The following PLIN5 variants were observed in gnomAD, a reference collection of about 807,000 sequenced individuals.
PLIN5 encodes perilipin-5.
A neutral mutation model predicts 32.8 loss-of-function variants in PLIN5; 34 were observed. The observed-to-expected ratio is 1.04, with a 90% CI of 0.79 to 1.38. The LOEUF (loss-of-function observed/expected upper bound fraction) is 1.38, where lower values mean the gene tolerates loss of function less well. Ranked by LOEUF, PLIN5 falls within the 40% of genes most tolerant of loss-of-function variation. The pLI is 0.00. For synonymous variants in PLIN5, 309 were observed against 292.9 expected, an observed-to-expected ratio of 1.05 and a Z score of -0.56; for missense variants, 712 against 660.5, an observed-to-expected ratio of 1.08 and a Z score of -0.85.
Position 4,529,084 on chromosome 19 carries a change from T to C in PLIN5, c.509A>G (p.Glu170Gly), listed in dbSNP as rs1976844219. The C allele has an allele frequency of 1.9e-6, 3 of 1,612,912 alleles. No homozygotes were observed. Reference protein sequence around the residue: ...ELVDHFLPMTEEELAALAAEA... With the variant: ...ELVDHFLPMTGEELAALAAEA... ...GGTGTCGTCCTCACCGAGCTCTTCCTCCGTCATGGGCAGGAAGTGATCCAC... is the reference window on the plus strand; with the variant it reads ...GGTGTCGTCCTCACCGAGCTCTTCCCCCGTCATGGGCAGGAAGTGATCCAC... The change falls in exon 5 of 8, where the codon GAG becomes GGG. Residue 170 changes from glutamate to glycine, a missense_variant. Transcript: ENST00000381848.
In PLIN5 at chr19:4,523,182, C is replaced by A; in HGVS notation, c.*346G>T. Reference sequence around the variant, plus strand: ...TCAGATGATCCACCTGCCTCAGACTCCCAAAGTGCTGGGATTACAGGCGTG... The same window carrying A: ...TCAGATGATCCACCTGCCTCAGACTACCAAAGTGCTGGGATTACAGGCGTG... On this transcript the variant is annotated 3_prime_UTR_variant, in exon 8 of 8. Coordinates refer to ENST00000381848, the MANE Select transcript of PLIN5 (RefSeq NM_001013706.3). This position sits in a 1 kb window ranked among gnomAD's most constrained non-coding sequence, Gnocchi z 5.0. 1 of 208,072 alleles carries A rather than the reference C, an allele frequency of 4.8e-6. No individual in the cohort carries two copies. The highest frequency in any genetic ancestry group is 9.5e-6 in the Non-Finnish European group (1 of 105,034). 12.9% of individuals were successfully genotyped at this position (208,072 alleles called of 1,614,324 possible). A position where few individuals can be genotyped will look rare whatever the true frequency, so the allele number is the denominator to read the frequency against.
Position 4,525,483 on chromosome 19 carries a change from G to A in PLIN5, c.720+150C>T. 1.0e-6 allele frequency: 1 copy of A among 962,966 alleles called. No individual in the cohort carries two copies. The highest frequency in any genetic ancestry group is 1.5e-6 in the Non-Finnish European group (1 of 663,574). The allele number at this position is 962,966 out of a possible 1,614,324, so 59.7% of individuals were successfully genotyped here. On this transcript the variant is annotated intron_variant, in intron 6 of 7. Coordinates refer to ENST00000381848, the MANE Select transcript of PLIN5 (RefSeq NM_001013706.3). The surrounding 1 kb of genome is among the most constrained non-coding windows in gnomAD (Gnocchi z 5.6). ...CATCCCTGGGCTCCTCCAGGCCCGG[G>A]TCCCCCAGCCCTGAACACATGCAGC...
Position 4,525,931 on chromosome 19 carries a change from CGGGG to C in PLIN5, c.521-103_521-100del, listed in dbSNP as rs1976797656. On this transcript the variant is annotated intron_variant, in intron 5 of 7. Transcript: ENST00000381848. This position sits in a 1 kb window ranked among gnomAD's most constrained non-coding sequence, Gnocchi z 5.6. ...ACGGGGACAGGATACGGGGACAGCA[CGGGG>C]ACAGGATACGGGGACAGCACGGGGA... is the stretch of plus-strand genomic sequence containing the variant. 3 of 579,446 alleles carry C rather than the reference CGGGG, an allele frequency of 5.2e-6. No individual in the cohort carries two copies. The highest frequency in any genetic ancestry group is 6.6e-5 in the African/African-American group (2 of 30,120). 35.9% of individuals were successfully genotyped at this position (579,446 alleles called of 1,614,324 possible).
chr19:4,531,836 C>T lies in PLIN5; in HGVS notation c.61-14G>A, dbSNP rs1369575317. 3.3e-6 allele frequency: 5 copies of T among 1,525,346 alleles called. No homozygotes were observed. Among genetic ancestry groups the T allele is most frequent in the African/African-American group, 1.4e-5 (1 of 72,974 alleles). The allele number at this position is 1,525,346 out of a possible 1,614,324, so 94.5% of individuals were successfully genotyped here. On this transcript the variant is annotated splice_polypyrimidine_tract_variant and intron_variant, in intron 2 of 7. Coordinates refer to ENST00000381848, the MANE Select transcript of PLIN5 (RefSeq NM_001013706.3). ...CTGCACCACGTTCTGCGGGAAGGGT[C>T]GGCATCAGGGGGACCCTGGGGGAAG... is the stretch of plus-strand genomic sequence containing the variant.
chr19:4,527,538 C>CAA (rs1176219746), intron 5 of PLIN5, among the ~76,000 whole-genome samples: 1,813 of 29,672 alleles, frequency 0.061, 352 homozygotes, highest in Non-Finnish European at 0.089. Flanking sequence ...GACTCCACTT[C>CAA]AAAAAAAAAA....
rs974465145 is a variant in PLIN5, at chr19:4,525,860, G to A, written c.521-28C>T. On this transcript the variant is annotated intron_variant, in intron 5 of 7. Coordinates refer to ENST00000381848, the MANE Select transcript of PLIN5 (RefSeq NM_001013706.3). The surrounding 1 kb of genome is among the most constrained non-coding windows in gnomAD (Gnocchi z 5.6). ...GGAGGACAGGATACGGGGACAGCAC[G>A]GGGACAGGATACGGGGACAGCACGG... is the stretch of plus-strand genomic sequence containing the variant. 7 of 1,517,640 alleles carry A rather than the reference G, an allele frequency of 4.6e-6. No individual in the cohort carries two copies. The East Asian group carries it at 7.3e-5, about 16-fold the overall frequency. 94.0% of individuals were successfully genotyped at this position (1,517,640 alleles called of 1,614,324 possible). A position where few individuals can be genotyped will look rare whatever the true frequency, so the allele number is the denominator to read the frequency against.
At position 4,523,607 on chromosome 19, in the gene PLIN5, G is replaced by A. The variant is rs1976758570; in HGVS notation, c.1313C>T (p.Ala438Val). The change falls in exon 8 of 8, where the codon GCC becomes GTC. Residue 438 changes from alanine (A) to valine (V), a missense_variant. Coordinates refer to ENST00000381848, the MANE Select transcript of PLIN5 (RefSeq NM_001013706.3). This position sits in a 1 kb window ranked among gnomAD's most constrained non-coding sequence, Gnocchi z 5.0. ...GGGTTCCTGCTCGCAGATGTCCCCG[G>A]CAACACCCATCCTGTCCCCATCCCC... ...GNGDGDRMGV[A>V]GDICEQEPET... 3 of 1,608,644 alleles carry A rather than the reference G, an allele frequency of 1.9e-6. No homozygotes were observed. Among genetic ancestry groups the A allele is most frequent in the Non-Finnish European group, 2.5e-6 (3 of 1,178,176 alleles).
rs761157910 is a variant in PLIN5 at position 4,523,929 on chromosome 19, C to T, written c.991G>A (p.Ala331Thr). Residue 331 changes from alanine (A) to threonine (T), a missense_variant, in exon 8 of 8, where the codon GCT becomes ACT. Physicochemically the swap from Ala to Thr is moderately conservative, Grantham distance 58. Transcript: ENST00000381848. This position sits in a 1 kb window ranked among gnomAD's most constrained non-coding sequence, Gnocchi z 5.0. The part of the protein sequence containing the change: ...RSVDALQTAF[A>T]DARCFRDVPA... ...ACGTCCCTGAAGCAGCGGGCATCAG[C>T]GAAGGCGGTCTGCAGGGCATCCACA... The T allele has an allele frequency of 3.3e-6, 5 of 1,528,816 alleles. No individual in the cohort carries two copies. The highest frequency in any genetic ancestry group is 1.2e-5 in the South Asian group (1 of 82,908). The allele number at this position is 1,528,816 out of a possible 1,614,324, so 94.7% of individuals were successfully genotyped here. A position where few individuals can be genotyped will look rare whatever the true frequency, so the allele number is the denominator to read the frequency against.
chr19:4,531,528 C>T, intron 3 of PLIN5, 99 bp downstream of exon 3: 1 of 1,250,516 alleles, frequency 8.0e-7, no homozygotes, highest in Non-Finnish European at 1.1e-6. Flanking sequence ...TGAAGATGAC[C>T]CCCAGGAGTG....
chr19:4,529,002 C>G, intron 5 of PLIN5, 71 bp downstream of exon 5: 1 of 1,513,364 alleles, frequency 6.6e-7, no homozygotes, highest in Non-Finnish European at 8.9e-7. Context: ...TCTCAGACCT[C>G]TCTGATCTGT....
chr19:4,523,068 C>T lies in PLIN5; in HGVS notation c.*460G>A, dbSNP rs564196900. ...TAGCTGGGACTACAGGTGCACACCA[C>T]CACACCTGGCTTTTTTTTTTTTTTT... On this transcript the variant is annotated 3_prime_UTR_variant, in exon 8 of 8. Coordinates refer to ENST00000381848, the MANE Select transcript of PLIN5 (RefSeq NM_001013706.3). The surrounding 1 kb of genome is among the most constrained non-coding windows in gnomAD (Gnocchi z 5.0). 6 of 149,520 alleles carry T rather than the reference C, an allele frequency of 4.0e-5. No individual in the cohort carries two copies. The highest frequency in any genetic ancestry group is 1.5e-4 in the African/African-American group (6 of 40,420). The allele number at this position is 149,520 out of a possible 1,614,324, so 9.3% of individuals were successfully genotyped here.
rs1042804430 is a variant in PLIN5 at position 4,525,132 on chromosome 19, T to C, written c.721-56A>G. 6.1e-5 allele frequency: 21 copies of C among 341,930 alleles called. No individual in the cohort carries two copies. The highest frequency in any genetic ancestry group is 1.0e-4 in the Non-Finnish European group (19 of 182,394). 21.2% of individuals were successfully genotyped at this position (341,930 alleles called of 1,614,324 possible). On this transcript the variant is annotated intron_variant, in intron 6 of 7. Coordinates refer to ENST00000381848, the MANE Select transcript of PLIN5 (RefSeq NM_001013706.3). The surrounding 1 kb of genome is among the most constrained non-coding windows in gnomAD (Gnocchi z 5.6). ...CTGGGGGAGCTGGGGGAGCTGGGGG[T>C]CGGGGTGGGGTCCAGGACCACTGAT...
Position 4,525,101 on chromosome 19 carries a change from T to G in PLIN5, c.721-25A>C. 1.0e-6 allele frequency: 1 copy of G among 981,080 alleles called. No homozygotes were observed. Among genetic ancestry groups the G allele is most frequent in the Non-Finnish European group, 1.4e-6 (1 of 732,136 alleles). 60.8% of individuals were successfully genotyped at this position (981,080 alleles called of 1,614,324 possible). The stretch of plus-strand genomic sequence containing the variant: ...TCTGCAAGGACAGAAATGGTGGTCT[T>G]CAGAGCTGGGGGAGCTGGGGGAGCT... On this transcript the variant is annotated intron_variant, in intron 6 of 7. Coordinates refer to ENST00000381848, the MANE Select transcript of PLIN5 (RefSeq NM_001013706.3). This position sits in a 1 kb window ranked among gnomAD's most constrained non-coding sequence, Gnocchi z 5.6.
Position 4,534,915 on chromosome 19 carries a change from G to A in PLIN5, c.-22+250C>T, listed in dbSNP as rs776003673. On this transcript the variant is annotated intron_variant, in intron 1 of 7. Transcript: ENST00000381848. Reference sequence around the variant, plus strand: ...GTCACGCAGCCAGCTAGAGTTACAGGGGGGGAGCTCGACCTCGGGCCTCAG... The same window carrying A: ...GTCACGCAGCCAGCTAGAGTTACAGAGGGGGAGCTCGACCTCGGGCCTCAG... Among the ~76,000 whole-genome samples, 18 of 152,190 alleles carry A rather than the reference G, an allele frequency of 1.2e-4. 1 individual carries two copies. The highest frequency in any genetic ancestry group is 4.3e-4 in the African/African-American group (18 of 41,452).
rs771964141 is a variant in PLIN5 at position 4,523,205 on chromosome 19, G to A, written c.*323C>T. 8.3e-5 allele frequency: 21 copies of A among 252,576 alleles called. No homozygotes were observed. Among genetic ancestry groups the A allele is most frequent in the Admixed American group, 1.7e-4 (3 of 17,974 alleles). 15.6% of individuals were successfully genotyped at this position (252,576 alleles called of 1,614,324 possible). ...CTCCCAAAGTGCTGGGATTACAGGC[G>A]TGAGCCACTGTGCCCAGCCTCTTGG... On this transcript the variant is annotated 3_prime_UTR_variant, in exon 8 of 8. Coordinates refer to ENST00000381848, the MANE Select transcript of PLIN5 (RefSeq NM_001013706.3). The surrounding 1 kb of genome is among the most constrained non-coding windows in gnomAD (Gnocchi z 5.0).
chr19:4,530,994 T>G (rs1976877011), intron 3 of PLIN5, among the ~76,000 whole-genome samples: 1 of 149,790 alleles, frequency 6.7e-6, no homozygotes. Context: ...CAGTTTTTTT[T>G]GTTTGTTTTT....
chr19:4,523,672 C>T lies in PLIN5; in HGVS notation c.1248G>A (p.Gln416=). 6.2e-7 allele frequency: 1 copy of T among 1,609,000 alleles called. No homozygotes were observed. Among genetic ancestry groups the T allele is most frequent in the Non-Finnish European group, 8.5e-7 (1 of 1,179,798 alleles). ...CCCTGTGCTCTGCCTCCCAGGCTCT[C>T]TGCTGGGCCGGCCAGTCCAGGTGCG... ...RWAHLDWPAQ[Q]RAWEAEHRDG... is the part of the protein sequence containing the mutation. The change falls in exon 8 of 8, where the codon CAG becomes CAA. Residue 416 remains glutamine (Q), a synonymous_variant. Coordinates refer to ENST00000381848, the MANE Select transcript of PLIN5 (RefSeq NM_001013706.3). This position sits in a 1 kb window ranked among gnomAD's most constrained non-coding sequence, Gnocchi z 5.0.
At chr19:4,524,914 C>CA in intron 7 of PLIN5, 49 bp downstream of exon 7, 1 of 1,473,752 alleles carries the variant, frequency 6.8e-7, no homozygotes, top group Non-Finnish European at 9.1e-7. Context: ...CCTCTTCCTC[C>CA]GCGGCCTGGT....
Position 4,531,711 on chromosome 19 carries a change from G to C in PLIN5, c.172C>G (p.Arg58Gly), listed in dbSNP as rs1199363443. The C allele has an allele frequency of 6.3e-7, 1 of 1,582,598 alleles. No homozygotes were observed. The highest frequency in any genetic ancestry group is 1.3e-5 in the African/African-American group (1 of 74,228). Residue 58 changes from arginine (R) to glycine (G), a missense_variant, in exon 3 of 8, where the codon CGC becomes GGC. By Grantham distance (125) the Arg-to-Gly change is moderately radical. Transcript: ENST00000381848. ...DRHPLLGSAC[R>G]LAENCVCGLT... ...CCGCACACGCAGTTCTCAGCCAGGC[G>C]GCAGGCGGAGCCCAGCAGCGGGTGC...
Sources: gnomAD v4.1 joint callset for allele counts (sites outside exome capture counted in the v4.1 genomes callset) on GRCh38, gnomAD v4.1.1 for gene constraint, Gnocchi (gnomAD v3.1) non-coding constraint, MANE v1.5 for transcripts, NCBI Gene and HGNC (gene_info 2026-07-23, HGNC 2026-07-21) for gene names.